Variants in ARHGEF37 observed in about 807,000 individuals in gnomAD.
The protein encoded by ARHGEF37 is Rho guanine nucleotide exchange factor 37, also known as Rho guanine nucleotide exchange factor (GEF) 37.
ARHGEF37 carries 55 observed loss-of-function variants against 71.1 expected under a neutral mutation model. The observed-to-expected ratio is 0.77, with a 90% CI of 0.62 to 0.97. ARHGEF37 has a LOEUF of 0.97. ARHGEF37 is among the 50% of genes least tolerant of loss of function. The pLI, the probability that ARHGEF37 is intolerant of heterozygous loss-of-function variation, is 0.00. For missense variants in ARHGEF37, 765 were observed against 836.8 expected (o/e 0.91, Z 1.06); for synonymous variants, 327 against 350.6 (o/e 0.93, Z 0.75).
intron 5 of ARHGEF37, among the ~76,000 whole-genome samples, chr5:149,617,291 G>C (rs1752408959): frequency 6.6e-6 from 1 of 152,218 alleles, no homozygotes; most frequent in African/African-American, 2.4e-5. Context: ...GAGCTAAAGT[G>C]AGATCAATCT....
chr5:149,598,927 G>A (rs906762062), intron 2 of ARHGEF37, among the ~76,000 whole-genome samples: 10 of 151,962 alleles, frequency 6.6e-5, no homozygotes, highest in Admixed American at 5.9e-4. Context: ...GTGCCCCTTG[G>A]CCTGGTGCAG....
intron 12 of ARHGEF37, among the ~76,000 whole-genome samples, chr5:149,630,611 C>G (rs561287240): frequency 1.1e-4 from 17 of 152,270 alleles, no homozygotes; most frequent in Middle Eastern, 6.8e-3. Context: ...CCACCAGAGC[C>G]CCACGGGAGG....
At chr5:149,595,878 CT>C (rs541122416) in intron 1 of ARHGEF37, among the ~76,000 whole-genome samples, 1 of 151,726 alleles carries the variant, frequency 6.6e-6, no homozygotes, top group South Asian at 2.1e-4. Flanking sequence ...TGAAGGAGAC[CT>C]TTTTTCCTCA....
intron 12 of ARHGEF37, among the ~76,000 whole-genome samples, chr5:149,630,816 G>A (rs1752858856): frequency 6.6e-6 from 1 of 152,212 alleles, no homozygotes; most frequent in African/African-American, 2.4e-5. Flanking sequence ...ACTTGCCCGG[G>A]ATCATCCCAG....
At chr5:149,625,725 C>T (rs1195501961) in intron 10 of ARHGEF37, among the ~76,000 whole-genome samples, 1 of 152,160 alleles carries the variant, frequency 6.6e-6, no homozygotes, top group East Asian at 1.9e-4. Flanking sequence ...AGAGCAGCCA[C>T]TTGAATGTGT....
Position 149,589,493 on chromosome 5 carries a change from A to G in ARHGEF37, c.-12+7869A>G, listed in dbSNP as rs144560078. Among the ~76,000 whole-genome samples the G allele has an allele frequency of 3.3e-3, 505 of 151,592 alleles. 1 individual carries two copies. Among genetic ancestry groups the G allele is most frequent in the Non-Finnish European group, 5.2e-3 (352 of 67,818 alleles). On this transcript the variant is annotated intron_variant, in intron 1 of 12. Transcript: ENST00000333677. ...CAGGCATGCACCACCATGCCTGGCT[A>G]ATTTTTTGTTTTGTTTTGTTTTTGA...
chr5:149,631,292 T>C (rs1471313069), intron 12 of ARHGEF37, among the ~76,000 whole-genome samples: 1 of 151,724 alleles, frequency 6.6e-6, no homozygotes, highest in Non-Finnish European at 1.5e-5. Context: ...CACCTCAGCC[T>C]CCTGAGTAGC....
intron 1 of ARHGEF37, among the ~76,000 whole-genome samples, chr5:149,590,990 ATGT>A (rs1156651189): frequency 6.6e-6 from 1 of 152,220 alleles, no homozygotes; most frequent in Non-Finnish European, 1.5e-5. Context: ...CCTGGTTTTG[ATGT>A]TGTGCTATAT....
intron 2 of ARHGEF37, among the ~76,000 whole-genome samples, chr5:149,599,434 C>CTTACTTATTTATTTATTTAT (rs144654314): frequency 1.9e-4 from 28 of 147,900 alleles, no homozygotes; most frequent in African/African-American, 6.8e-4. Context: ...CCAAGGCAAA[C>CTTACTTATTTATTTATTTAT]TTATTTATTT....
At chr5:149,562,377 G>A (rs1415694832) in intron 1 of ARHGEF37, among the ~76,000 whole-genome samples, 1 of 152,218 alleles carries the variant, frequency 6.6e-6, no homozygotes, top group Non-Finnish European at 1.5e-5. Context: ...TGCAGCTATT[G>A]TATCCATCGT....
At chr5:149,593,818 A>C (rs1241569830) in intron 1 of ARHGEF37, among the ~76,000 whole-genome samples, 2 of 152,146 alleles carry the variant, frequency 1.3e-5, no homozygotes, top group Non-Finnish European at 2.9e-5. Flanking sequence ...GAGTAGGCTG[A>C]GGAGGAGGAG....
intron 1 of ARHGEF37, among the ~76,000 whole-genome samples, 165 bp downstream of exon 1, chr5:149,581,789 C>G (rs1416091825): frequency 2.0e-5 from 3 of 152,136 alleles, no homozygotes; most frequent in African/African-American, 7.2e-5. Context: ...TGTCTTGAGC[C>G]TTATGAGAAT....
chr5:149,593,658 A>T (rs910664279), intron 1 of ARHGEF37, among the ~76,000 whole-genome samples: 1 of 152,232 alleles, frequency 6.6e-6, no homozygotes, highest in Admixed American at 6.5e-5. Context: ...CATATTTTGT[A>T]TGTTATATGT....
chr5:149,627,968 C>G (rs756894878), intron 11 of ARHGEF37, among the ~76,000 whole-genome samples: 1 of 152,138 alleles, frequency 6.6e-6, no homozygotes, highest in Non-Finnish European at 1.5e-5. Context: ...TATAAGTAGT[C>G]CATAATTCCA....
chr5:149,625,529 G>A (rs370033478), intron 10 of ARHGEF37, among the ~76,000 whole-genome samples: 2 of 152,198 alleles, frequency 1.3e-5, no homozygotes, highest in Admixed American at 6.5e-5. Context: ...CCCAAGTGCC[G>A]CGAACATGGG....
chr5:149,576,625 G>A (rs752966348), upstream of ARHGEF37, among the ~76,000 whole-genome samples: 10 of 152,214 alleles, frequency 6.6e-5, no homozygotes, highest in Non-Finnish European at 8.8e-5. Context: ...CACCACGCCC[G>A]GCCAACCAAT....
In ARHGEF37 at chr5:149,623,232, C is replaced by T. The variant is rs187672395; in HGVS notation, c.1336-780C>T. On this transcript the variant is annotated intron_variant, in intron 9 of 12. Coordinates refer to ENST00000333677, the MANE Select transcript of ARHGEF37 (RefSeq NM_001001669.3). ...GGGGGAGAAGTCATCTCCCTATCCT[C>T]TGTACTCCAGCAGCCCTGTGGATGG... Among the ~76,000 whole-genome samples the T allele has an allele frequency of 6.4e-4, 98 of 152,330 alleles. 3 individuals carry two copies. The East Asian group carries it at 0.017, about 26-fold the overall frequency.
At chr5:149,560,765 G>GA (rs113304542) in intron 1 of ARHGEF37, among the ~76,000 whole-genome samples, 33 of 144,868 alleles carry the variant, frequency 2.3e-4, no homozygotes, top group African/African-American at 6.3e-4. Context: ...TACTTTCAAA[G>GA]AAAAAAAAAA....
At chr5:149,567,895 G>A (rs1284176122) in intron 1 of ARHGEF37, among the ~76,000 whole-genome samples, 1 of 152,076 alleles carries the variant, frequency 6.6e-6, no homozygotes, top group East Asian at 1.9e-4. Flanking sequence ...CAAGATCTGG[G>A]TACCAAATGT....
Sources: allele counts gnomAD v4.1 joint callset (sites outside exome capture counted in the v4.1 genomes callset), GRCh38; gene constraint gnomAD v4.1.1; transcripts MANE v1.5; gene names NCBI Gene and HGNC (gene_info 2026-07-23, HGNC 2026-07-21).